Variants in PTPRN2 observed in about 807,000 individuals in gnomAD.
PTPRN2 encodes protein tyrosine phosphatase receptor type N2.
PTPRN2 carries 74 observed loss-of-function variants against 118.8 expected under a neutral mutation model. The observed-to-expected ratio is 0.62, with a 90% CI of 0.52 to 0.76. The LOEUF is 0.76. Ranked by LOEUF, PTPRN2 falls within the 30% of genes least tolerant of loss-of-function variation. The pLI is 0.00. For missense variants in PTPRN2, 1,481 were observed against 1,394.4 expected (o/e 1.06, Z -0.99); for synonymous variants, 641 against 608.0 (o/e 1.05, Z -0.80).
At chr7:158,456,161 A>G (rs144691099) in intron 2 of PTPRN2, among the ~76,000 whole-genome samples, 1,509 of 142,362 alleles carry the variant, frequency 0.011, 1 homozygote, top group African/African-American at 0.037. Context: ...GGACGCCATC[A>G]GCCACAGCCC....
intron 5 of PTPRN2, among the ~76,000 whole-genome samples, chr7:158,188,217 A>AC (rs1563576503): frequency 7.2e-5 from 2 of 27,636 alleles, no homozygotes; most frequent in Non-Finnish European, 9.6e-5. Context: ...TCGCCGCCTG[A>AC]TGGGGAAGGC....
chr7:158,205,072 G>A (rs977879606), intron 4 of PTPRN2, 99 bp downstream of exon 4: 36 of 1,022,666 alleles, frequency 3.5e-5, no homozygotes, highest in Middle Eastern at 2.1e-4. Context: ...GATGGTGGGT[G>A]CTTTGCTACA....
intron 9 of PTPRN2, among the ~76,000 whole-genome samples, chr7:158,132,526 G>A (rs543711645): frequency 7.1e-5 from 10 of 140,022 alleles, no homozygotes; most frequent in South Asian, 5.1e-4. Context: ...TTTACCCAAC[G>A]TACACTCATA....
chr7:158,171,308 C>CATATATATAT (rs71198580), intron 5 of PTPRN2, among the ~76,000 whole-genome samples: 11 of 48,656 alleles, frequency 2.3e-4, no homozygotes, highest in Non-Finnish European at 3.7e-4. Flanking sequence ...TATATACACA[C>CATATATATAT]ATATATATAT....
chr7:158,356,715 G>A (rs1390286214), intron 2 of PTPRN2, among the ~76,000 whole-genome samples: 21 of 151,818 alleles, frequency 1.4e-4, no homozygotes, highest in Admixed American at 1.4e-3. Flanking sequence ...GTGCTGCAAG[G>A]AGCCCACATT....
At chr7:157,745,816 T>A (rs961653056) in intron 12 of PTPRN2, among the ~76,000 whole-genome samples, 1 of 152,162 alleles carries the variant, frequency 6.6e-6, no homozygotes, top group Non-Finnish European at 1.5e-5. Context: ...AAACCTAACA[T>A]GTTTGACGCA....
chr7:158,274,319 C>G (rs4909167), intron 3 of PTPRN2, among the ~76,000 whole-genome samples: 116,755 of 117,486 alleles, frequency 0.99, 58,043 homozygotes, highest in Middle Eastern at 1. Flanking sequence ...GGAGCCGCAG[C>G]CACAGGGGGA....
At chr7:158,362,582 G>T (rs568124629) in intron 2 of PTPRN2, among the ~76,000 whole-genome samples, 79 of 152,302 alleles carry the variant, frequency 5.2e-4, no homozygotes, top group South Asian at 1.0e-3. Context: ...GGACAAATTT[G>T]CAACTTGACT....
At chr7:157,998,087 G>A (rs1345112337) in intron 11 of PTPRN2, among the ~76,000 whole-genome samples, 3 of 137,018 alleles carry the variant, frequency 2.2e-5, no homozygotes, top group Non-Finnish European at 4.8e-5. Flanking sequence ...GGAGTGCAGG[G>A]GAGAGGAGTA....
intron 15 of PTPRN2, chr7:157,616,669 G>A (rs1802792948): frequency 1.3e-5 from 2 of 152,110 alleles, no homozygotes; most frequent in African/African-American, 4.8e-5. Flanking sequence ...TCTTGGCGAG[G>A]TGACATATAT....
At chr7:158,510,146 C>T (rs1586832666) in intron 1 of PTPRN2, among the ~76,000 whole-genome samples, 1 of 152,218 alleles carries the variant, frequency 6.6e-6, no homozygotes, top group African/African-American at 2.4e-5. Context: ...CACCCCTAAA[C>T]CTGTTTCCTG....
At chr7:157,755,318 C>G (rs774549468) in intron 12 of PTPRN2, among the ~76,000 whole-genome samples, 3 of 152,234 alleles carry the variant, frequency 2.0e-5, no homozygotes, top group Non-Finnish European at 2.9e-5. Context: ...TTGAGAAAAT[C>G]TGTAATTCCA....
chr7:158,072,041 G>A (rs1244507282), intron 11 of PTPRN2, among the ~76,000 whole-genome samples: 38 of 138,306 alleles, frequency 2.7e-4, no homozygotes, highest in African/African-American at 7.3e-4. Flanking sequence ...GGAGGTGCTC[G>A]TGGTGGTGGA....
chr7:157,877,727 G>C (rs777614671), intron 12 of PTPRN2, among the ~76,000 whole-genome samples: 2 of 152,198 alleles, frequency 1.3e-5, no homozygotes. Context: ...GTGGGCCTCA[G>C]AGCCAGGTCT....
intron 3 of PTPRN2, among the ~76,000 whole-genome samples, chr7:158,296,684 T>A (rs914420722): frequency 3.3e-5 from 5 of 152,140 alleles, no homozygotes; most frequent in African/African-American, 1.2e-4. Flanking sequence ...CCCCTGCAGG[T>A]GGGAGCAGTG....
At chr7:157,835,155 T>C (rs1324148921) in intron 12 of PTPRN2, among the ~76,000 whole-genome samples, 3 of 152,128 alleles carry the variant, frequency 2.0e-5, no homozygotes, top group Admixed American at 1.3e-4. Flanking sequence ...CTGAGCCCCC[T>C]AGGACAAGCA....
At chr7:157,847,270 A>G (rs3857646) in intron 12 of PTPRN2, among the ~76,000 whole-genome samples, 11,559 of 24,486 alleles carry the variant, frequency 0.47, 3,262 homozygotes, top group East Asian at 0.92. Context: ...ACTCCTTCAT[A>G]TGTGGCCAAT....
At chr7:158,142,971 A>G (rs1448201362) in intron 6 of PTPRN2, among the ~76,000 whole-genome samples, 1 of 152,080 alleles carries the variant, frequency 6.6e-6, no homozygotes, top group African/African-American at 2.4e-5. Context: ...TGTGCTGCTC[A>G]TTGCAGCTTT....
At chr7:158,259,447 C>G (rs1027092354) in intron 3 of PTPRN2, among the ~76,000 whole-genome samples, 10 of 152,330 alleles carry the variant, frequency 6.6e-5, no homozygotes, top group Middle Eastern at 3.4e-3. Flanking sequence ...AGACACCCCT[C>G]AGAGCCCCTG....
Sources: gnomAD v4.1 joint callset for allele counts (sites outside exome capture counted in the v4.1 genomes callset) on GRCh38, gnomAD v4.1.1 for gene constraint, MANE v1.5 for transcripts, NCBI Gene and HGNC (gene_info 2026-07-23, HGNC 2026-07-21) for gene names.